Variants in PLEKHB2 observed in about 807,000 individuals in gnomAD.
PLEKHB2 encodes the protein pleckstrin homology domain-containing family B member 2.
PLEKHB2 carries 31 observed loss-of-function variants against 36.5 expected under a neutral mutation model. That is an observed-to-expected ratio of 0.85 (90% CI 0.64 to 1.15). PLEKHB2 has a LOEUF of 1.15. Among genes scored for constraint, PLEKHB2 ranks in the 50% most tolerant of loss-of-function variants. The pLI, the probability that PLEKHB2 is intolerant of heterozygous loss-of-function variation, is 0.00. For synonymous variants in PLEKHB2, 119 were observed against 112.0 expected (o/e 1.06, Z -0.39); for missense variants, 262 against 295.3 (o/e 0.89, Z 0.83).
In PLEKHB2 at chr2:131,110,089, T is replaced by C. The variant is rs565569728; in HGVS notation, c.-9+4691T>C. Among the ~76,000 whole-genome samples the C allele has an allele frequency of 5.7e-4, 87 of 152,128 alleles. 3 individuals are homozygous for C. In the South Asian group the frequency reaches 0.017, roughly 30 times the overall value. The stretch of plus-strand genomic sequence containing the variant: ...GAGATCGCGCCACTGCCCTCCAGCC[T>C]GGGTGACAGAGTGAGACTCCGTCTC... On this transcript the variant is annotated intron_variant, in intron 1 of 7. Coordinates refer to ENST00000693505, the MANE Select transcript of PLEKHB2 (RefSeq NM_001100623.2).
chr2:131,125,631 G>C lies in PLEKHB2; in HGVS notation c.38-122G>C, dbSNP rs2104865671. On this transcript the variant is annotated intron_variant, in intron 2 of 7. Transcript: ENST00000693505. Reference sequence around the variant, plus strand: ...GAAATGGGAGGATTGCTTGAGCCCAGGAGTTCAAGGCTGCAGTGACCTATG... The same window carrying C: ...GAAATGGGAGGATTGCTTGAGCCCACGAGTTCAAGGCTGCAGTGACCTATG... 4.1e-6 allele frequency: 3 copies of C among 728,322 alleles called. No individual in the cohort carries two copies. The Admixed American group carries it at 8.5e-5, about 21-fold the overall frequency. The allele number at this position is 728,322 out of a possible 1,614,324, so 45.1% of individuals were successfully genotyped here.
chr2:131,116,371 C>T (rs1027156665), intron 1 of PLEKHB2, among the ~76,000 whole-genome samples: 1 of 152,164 alleles, frequency 6.6e-6, no homozygotes, highest in African/African-American at 2.4e-5. Context: ...GCACAACATT[C>T]GTTGTATTAG....
At chr2:131,128,941 A>G (rs1697370896) in intron 4 of PLEKHB2, among the ~76,000 whole-genome samples, 1 of 150,114 alleles carries the variant, frequency 6.7e-6, no homozygotes, top group Admixed American at 6.9e-5. Context: ...ATAATCCAGT[A>G]TGATACCCTT....
intron 1 of PLEKHB2, among the ~76,000 whole-genome samples, chr2:131,118,145 G>A (rs1696078000): frequency 6.6e-6 from 1 of 152,174 alleles, no homozygotes; most frequent in Non-Finnish European, 1.5e-5. Context: ...CCCCCAGCCG[G>A]TTCCTCATGG....
intron 7 of PLEKHB2, among the ~76,000 whole-genome samples, chr2:131,141,628 A>G (rs1174464654): frequency 6.9e-6 from 1 of 145,744 alleles, no homozygotes; most frequent in Non-Finnish European, 1.5e-5. Context: ...CGACAGAACG[A>G]GACTCCGTCT....
At chr2:131,111,097 C>T (rs920389931) in intron 1 of PLEKHB2, among the ~76,000 whole-genome samples, 1 of 151,962 alleles carries the variant, frequency 6.6e-6, no homozygotes, top group Non-Finnish European at 1.5e-5. Flanking sequence ...CTCCGTCTCC[C>T]GGGTTCAAGT....
intron 2 of PLEKHB2, among the ~76,000 whole-genome samples, chr2:131,122,393 C>G (rs1425143786): frequency 6.6e-6 from 1 of 152,130 alleles, no homozygotes. Flanking sequence ...TTGAGTTTAT[C>G]TATGAGGGTT....
intron 4 of PLEKHB2, chr2:131,127,003 G>A: frequency 4.0e-6 from 2 of 497,014 alleles, no homozygotes; most frequent in Non-Finnish European, 7.2e-6. Context: ...GAAAATGGCA[G>A]AAAGGAATAG....
At chr2:131,144,465 G>T in intron 7 of PLEKHB2, 1 of 1,174,976 alleles carries the variant, frequency 8.5e-7, no homozygotes, top group South Asian at 4.3e-5. Context: ...TCCAAGAGCA[G>T]ACTTCTAGAT....
chr2:131,139,359 C>T (rs1392904989), intron 6 of PLEKHB2, among the ~76,000 whole-genome samples: 5 of 152,122 alleles, frequency 3.3e-5, no homozygotes, highest in African/African-American at 4.8e-5. Context: ...AGGAGGACTA[C>T]AAGAAAGAAT....
chr2:131,120,871 C>A, intron 1 of PLEKHB2, 63 bp from the exon 2 acceptor site: 1 of 1,516,946 alleles, frequency 6.6e-7, no homozygotes, highest in Non-Finnish European at 9.2e-7. Flanking sequence ...GATAGAGACT[C>A]GGGCCGGACA....
intron 6 of PLEKHB2, among the ~76,000 whole-genome samples, chr2:131,136,711 C>G (rs946488985): frequency 3.3e-5 from 5 of 151,428 alleles, no homozygotes; most frequent in African/African-American, 1.2e-4. Flanking sequence ...GGATATTGGT[C>G]TATAGTTTTC....
In PLEKHB2 at chr2:131,125,349, G is replaced by A. The variant is rs150824958; in HGVS notation, c.38-404G>A. Among the ~76,000 whole-genome samples, 50 of 152,370 alleles carry A rather than the reference G, an allele frequency of 3.3e-4. No individual in the cohort carries two copies. The East Asian group carries it at 9.6e-3, about 29-fold the overall frequency. On this transcript the variant is annotated intron_variant, in intron 2 of 7. Transcript: ENST00000693505. The stretch of plus-strand genomic sequence containing the variant: ...TGGTTGGCAGCATTCTCTGTTGACA[G>A]TGTGTGCTGCATGCAGCCTGTTAAA...
intron 1 of PLEKHB2, among the ~76,000 whole-genome samples, chr2:131,114,888 AC>A (rs1165663221): frequency 1.3e-5 from 2 of 151,908 alleles, no homozygotes; most frequent in Admixed American, 1.3e-4. Context: ...AACTGTTCCA[AC>A]CTCTGCCTTT....
At chr2:131,130,045 C>G (rs1353104771) in intron 4 of PLEKHB2, among the ~76,000 whole-genome samples, 1 of 151,424 alleles carries the variant, frequency 6.6e-6, no homozygotes, top group Non-Finnish European at 1.5e-5. Flanking sequence ...GCATTCTTTT[C>G]TTCTTTTTTT....
intron 2 of PLEKHB2, among the ~76,000 whole-genome samples, chr2:131,121,373 C>G (rs556764334): frequency 6.6e-6 from 1 of 152,252 alleles, no homozygotes; most frequent in South Asian, 2.1e-4. Context: ...CTCAGCCTCC[C>G]GAGTAGCTGG....
At chr2:131,111,236 C>T (rs1695285889) in intron 1 of PLEKHB2, among the ~76,000 whole-genome samples, 2 of 151,952 alleles carry the variant, frequency 1.3e-5, no homozygotes, top group South Asian at 2.1e-4. Flanking sequence ...AACTCCTGAC[C>T]CCAAGTGATC....
intron 1 of PLEKHB2, among the ~76,000 whole-genome samples, chr2:131,113,197 C>T (rs1695503285): frequency 6.6e-6 from 1 of 152,040 alleles, no homozygotes; most frequent in Non-Finnish European, 1.5e-5. Context: ...GTCCTCTTAC[C>T]TCAGCCCCCC....
At chr2:131,106,018 G>A (rs1055742533) in intron 1 of PLEKHB2, among the ~76,000 whole-genome samples, 1 of 152,180 alleles carries the variant, frequency 6.6e-6, no homozygotes, top group Admixed American at 6.5e-5. Context: ...CCTGCTCTTG[G>A]CCTTGCAATG....
Sources: gnomAD v4.1 joint callset for allele counts (sites outside exome capture counted in the v4.1 genomes callset) on GRCh38, gnomAD v4.1.1 for gene constraint, MANE v1.5 for transcripts, NCBI Gene and HGNC (gene_info 2026-07-23, HGNC 2026-07-21) for gene names.